The following CSMD1 variants were observed in gnomAD, a reference collection of about 807,000 sequenced individuals.
CSMD1 encodes CUB and sushi domain-containing protein 1.
In CSMD1, 213 loss-of-function variants were observed where a neutral mutation model predicts 417.5. The ratio of observed to expected loss-of-function variants is 0.51; its 90% CI spans 0.46 to 0.57. The LOEUF (loss-of-function observed/expected upper bound fraction) is 0.57. Among genes scored for constraint, CSMD1 ranks in the 20% least tolerant of loss-of-function variants. The pLI is 0.00. For synonymous variants in CSMD1, 2,862 were observed against 1,736.8 expected (o/e 1.65, Z -16.11); for missense variants, 6,923 against 4,529.7 (o/e 1.53, Z -15.17).
chr8:4,358,701 G>A (rs1395121401), intron 3 of CSMD1, among the ~76,000 whole-genome samples: 1 of 152,116 alleles, frequency 6.6e-6, no homozygotes, highest in Non-Finnish European at 1.5e-5. Flanking sequence ...TAGAAACCAG[G>A]TATTTGTAGC....
intron 3 of CSMD1, among the ~76,000 whole-genome samples, chr8:4,149,485 T>C (rs1010751870): frequency 6.6e-6 from 1 of 152,222 alleles, no homozygotes; most frequent in South Asian, 2.1e-4. Context: ...GAAGGATTAC[T>C]CTATCTGGAA....
intron 1 of CSMD1, 130 bp downstream of exon 1, chr8:4,994,202 C>A: frequency 1.3e-6 from 1 of 760,656 alleles, no homozygotes; most frequent in Non-Finnish European, 2.1e-6. Context: ...CCCCGAGCTT[C>A]GGCGATGGAG....
intron 3 of CSMD1, among the ~76,000 whole-genome samples, chr8:4,336,528 G>A (rs1452379174): frequency 4.6e-5 from 7 of 152,268 alleles, no homozygotes; most frequent in South Asian, 2.1e-4. Flanking sequence ...TAACGTGTTC[G>A]ATGAATGTCA....
intron 2 of CSMD1, among the ~76,000 whole-genome samples, chr8:4,507,755 T>C (rs1404102234): frequency 3.3e-5 from 5 of 152,188 alleles, no homozygotes; most frequent in African/African-American, 1.2e-4. Context: ...TCTAAAGACA[T>C]CTTGATGATT....
intron 5 of CSMD1, among the ~76,000 whole-genome samples, chr8:3,941,634 A>G (rs2129769848): frequency 6.6e-6 from 1 of 152,324 alleles, no homozygotes; most frequent in Admixed American, 6.5e-5. Context: ...ACTTAATGAA[A>G]AAAATTAAAC....
At chr8:4,304,987 A>T (rs1798167998) in intron 3 of CSMD1, among the ~76,000 whole-genome samples, 1 of 152,180 alleles carries the variant, frequency 6.6e-6, no homozygotes, top group Non-Finnish European at 1.5e-5. Context: ...GGTAATGCCA[A>T]TGCCTGTTCT....
chr8:3,083,279 G>C (rs1359484457), intron 49 of CSMD1, among the ~76,000 whole-genome samples: 1 of 151,620 alleles, frequency 6.6e-6, no homozygotes, highest in African/African-American at 2.4e-5. Context: ...ATATATCTCT[G>C]CTTGTAAATT....
Position 3,132,055 on chromosome 8 carries a change from T to C in CSMD1, c.6241+10410A>G, listed in dbSNP as rs550352509. ...CCTTTGGTAGCCATAATGCCACCTC[T>C]AGTGTAAGCCAGGGTTCACACGTGG... On this transcript the variant is annotated intron_variant, in intron 41 of 69. Coordinates refer to ENST00000635120, the MANE Select transcript of CSMD1 (RefSeq NM_033225.6). 2.0e-5 allele frequency among the ~76,000 whole-genome samples: 3 copies of C among 152,210 alleles called. No homozygotes were observed. The East Asian group carries it at 5.8e-4, about 29-fold the overall frequency.
intron 3 of CSMD1, among the ~76,000 whole-genome samples, chr8:4,127,521 C>T (rs1013954726): frequency 1.3e-5 from 2 of 150,308 alleles, no homozygotes; most frequent in Admixed American, 6.6e-5. Context: ...CTTCTCCCTC[C>T]ACCAGAAACC....
intron 5 of CSMD1, among the ~76,000 whole-genome samples, chr8:3,996,819 G>C (rs141882297): frequency 1.3e-5 from 2 of 152,162 alleles, no homozygotes; most frequent in South Asian, 2.1e-4. Context: ...TCCATGAATA[G>C]GAATCATCAG....
chr8:3,687,545 T>C (rs960844294), intron 7 of CSMD1, among the ~76,000 whole-genome samples: 1 of 152,226 alleles, frequency 6.6e-6, no homozygotes, highest in African/African-American at 2.4e-5. Flanking sequence ...AGATATTCTC[T>C]GTGTAAATGC....
chr8:3,309,217 G>A (rs1584973723), intron 23 of CSMD1, among the ~76,000 whole-genome samples: 1 of 152,138 alleles, frequency 6.6e-6, no homozygotes, highest in African/African-American at 2.4e-5. Context: ...CTGCCAGGGT[G>A]CTTTGCAGAA....
At chr8:3,876,553 A>T (rs189479672) in intron 5 of CSMD1, among the ~76,000 whole-genome samples, 1 of 152,314 alleles carries the variant, frequency 6.6e-6, no homozygotes, top group Admixed American at 6.5e-5. Context: ...TTCCTAAAAA[A>T]TTATTAATTC....
At chr8:3,882,961 C>T (rs535782469) in intron 5 of CSMD1, among the ~76,000 whole-genome samples, 6 of 152,226 alleles carry the variant, frequency 3.9e-5, no homozygotes, top group African/African-American at 7.2e-5. Context: ...AAACTCTCTG[C>T]GAAAGTTTGT....
At chr8:4,965,798 G>C (rs926148533) in intron 1 of CSMD1, among the ~76,000 whole-genome samples, 1 of 152,078 alleles carries the variant, frequency 6.6e-6, no homozygotes, top group South Asian at 2.1e-4. Context: ...AATTTTATGA[G>C]CTTCCAGAGA....
intron 5 of CSMD1, among the ~76,000 whole-genome samples, chr8:3,818,959 A>G (rs4588876): frequency 0.71 from 107,811 of 152,068 alleles, 38,378 homozygotes; most frequent in East Asian, 0.82. Flanking sequence ...GGGGTTTGGT[A>G]GTTGACAAAC....
At chr8:3,896,607 G>C (rs915964385) in intron 5 of CSMD1, among the ~76,000 whole-genome samples, 3 of 151,938 alleles carry the variant, frequency 2.0e-5, no homozygotes, top group Non-Finnish European at 4.4e-5. Context: ...TGCCTCCCAG[G>C]TTCACGCCAT....
intron 3 of CSMD1, among the ~76,000 whole-genome samples, chr8:4,252,670 T>G (rs933877364): frequency 1.3e-5 from 2 of 152,262 alleles, no homozygotes; most frequent in African/African-American, 4.8e-5. Flanking sequence ...CAGGCTTTTA[T>G]GTGGAGTTAA....
At chr8:4,896,906 C>A (rs961792252) in intron 1 of CSMD1, among the ~76,000 whole-genome samples, 7 of 152,044 alleles carry the variant, frequency 4.6e-5, no homozygotes, top group Non-Finnish European at 1.0e-4. Flanking sequence ...ATCTTGGGCT[C>A]CTTTATTCTT....
Sources: allele counts gnomAD v4.1 joint callset (sites outside exome capture counted in the v4.1 genomes callset), GRCh38; gene constraint gnomAD v4.1.1; transcripts MANE v1.5; gene names NCBI Gene and HGNC (gene_info 2026-07-23, HGNC 2026-07-21).